The following SAMD3 variants were observed in gnomAD, a reference collection of about 807,000 sequenced individuals.
The protein encoded by SAMD3 is sterile alpha motif domain-containing protein 3.
A neutral mutation model predicts 58.5 loss-of-function variants in SAMD3; 63 were observed. That is an observed-to-expected ratio of 1.08 (90% confidence interval 0.88 to 1.33). The LOEUF is 1.33. SAMD3 is among the 40% of genes most tolerant of loss of function. The pLI, the probability that SAMD3 is intolerant of heterozygous loss-of-function variation, is 0.00. For missense variants in SAMD3, 604 were observed against 608.4 expected, an observed-to-expected ratio of 0.99 and a Z score of 0.08; for synonymous variants, 220 against 210.3, an observed-to-expected ratio of 1.05 and a Z score of -0.40.
chr6:130,162,517 T>A (rs183582591), intron 8 of SAMD3, among the ~76,000 whole-genome samples: 14 of 152,226 alleles, frequency 9.2e-5, no homozygotes, highest in Admixed American at 2.6e-4. Flanking sequence ...TTAAAAAAAT[T>A]TTTTTAAGAA....
intron 1 of SAMD3, among the ~76,000 whole-genome samples, chr6:130,331,368 A>C (rs1776926382): frequency 6.6e-6 from 1 of 152,228 alleles, no homozygotes; most frequent in African/African-American, 2.4e-5. Flanking sequence ...AAGAGAACTT[A>C]CTTTAAAAAA....
intron 2 of SAMD3, among the ~76,000 whole-genome samples, chr6:130,286,895 A>G (rs1054944470): frequency 6.6e-6 from 1 of 152,172 alleles, no homozygotes; most frequent in African/African-American, 2.4e-5. Flanking sequence ...TTTTTAGTAC[A>G]GACGGGGTTT....
At chr6:130,361,746 G>T (rs948996636) in intron 1 of SAMD3, among the ~76,000 whole-genome samples, 1 of 152,210 alleles carries the variant, frequency 6.6e-6, no homozygotes, top group African/African-American at 2.4e-5. Context: ...AGAAACTGCA[G>T]AATTAAATTC....
At chr6:130,346,304 G>T (rs1777448712) in intron 1 of SAMD3, among the ~76,000 whole-genome samples, 1 of 152,336 alleles carries the variant, frequency 6.6e-6, no homozygotes, top group African/African-American at 2.4e-5. Flanking sequence ...CAAGGGGTCA[G>T]GGAATTCCCT....
intron 2 of SAMD3, among the ~76,000 whole-genome samples, chr6:130,308,370 A>ATTCTATTCTATTCTATTCTATTCT (rs1775991213): frequency 5.5e-4 from 52 of 95,172 alleles, no homozygotes; most frequent in African/African-American, 1.3e-3. Flanking sequence ...ATTCTATTCT[A>ATTCTATTCTATTCTATTCTATTCT]TTCTATTCTA....
intron 5 of SAMD3, among the ~76,000 whole-genome samples, chr6:130,185,910 C>T (rs1471116333): frequency 6.6e-6 from 1 of 152,088 alleles, no homozygotes; most frequent in African/African-American, 2.4e-5. Flanking sequence ...GGATTACAGG[C>T]ATGAGCCAAC....
At chr6:130,204,561 C>T (rs1236555365) in intron 5 of SAMD3, among the ~76,000 whole-genome samples, 6 of 149,750 alleles carry the variant, frequency 4.0e-5, no homozygotes, top group Non-Finnish European at 8.9e-5. Context: ...AGCGCCACTG[C>T]ACTCCAGCCT....
chr6:130,144,060 G>T (rs1788401403), downstream of SAMD3: 1 of 156,288 alleles, frequency 6.4e-6, no homozygotes, highest in Non-Finnish European at 1.4e-5. Context: ...CCCTGAGGGA[G>T]AGAAGAGTAT....
At chr6:130,361,343 G>T (rs896127086) in intron 1 of SAMD3, among the ~76,000 whole-genome samples, 1 of 152,168 alleles carries the variant, frequency 6.6e-6, no homozygotes, top group Non-Finnish European at 1.5e-5. Context: ...TGGTCCCTCC[G>T]TTTGGGGGTC....
chr6:130,335,227 T>G (rs1394115116), intron 1 of SAMD3, among the ~76,000 whole-genome samples: 1 of 152,142 alleles, frequency 6.6e-6, no homozygotes, highest in Admixed American at 6.6e-5. Flanking sequence ...TATGAGTAGG[T>G]TCATTCCAAA....
intron 1 of SAMD3, among the ~76,000 whole-genome samples, chr6:130,339,100 G>A (rs565337359): frequency 6.6e-6 from 1 of 152,182 alleles, no homozygotes; most frequent in Non-Finnish European, 1.5e-5. Flanking sequence ...AGGCTGGAGT[G>A]TAGCAGCACA....
chr6:130,200,385 CAA>C (rs397781904), intron 5 of SAMD3, among the ~76,000 whole-genome samples: 2 of 140,708 alleles, frequency 1.4e-5, no homozygotes, highest in Non-Finnish European at 3.1e-5. Flanking sequence ...ACTAAAAATA[CAA>C]AAAAAAAAAA....
chr6:130,278,336 T>C (rs2114946327), intron 2 of SAMD3, among the ~76,000 whole-genome samples: 1 of 152,294 alleles, frequency 6.6e-6, no homozygotes, highest in Middle Eastern at 3.4e-3. Context: ...GAGTCTGATT[T>C]GAGTAATAAT....
At chr6:130,150,563 T>C (rs1019273317) in intron 9 of SAMD3, among the ~76,000 whole-genome samples, 1 of 152,182 alleles carries the variant, frequency 6.6e-6, no homozygotes, top group Non-Finnish European at 1.5e-5. Context: ...ATCATTTCTT[T>C]CGGCAATTCT....
intron 2 of SAMD3, among the ~76,000 whole-genome samples, chr6:130,301,334 G>A (rs968621068): frequency 1.1e-4 from 16 of 152,006 alleles, no homozygotes; most frequent in Admixed American, 9.8e-4. Context: ...ATTTACAATA[G>A]CCAAACAAAA....
At chr6:130,160,167 G>A (rs934386640) in intron 8 of SAMD3, 1 of 152,108 alleles carries the variant, frequency 6.6e-6, no homozygotes, top group Non-Finnish European at 1.5e-5. Flanking sequence ...TATGCTTCAA[G>A]ACACACATAC....
chr6:130,190,734 A>C (rs182850460), intron 5 of SAMD3, among the ~76,000 whole-genome samples: 1 of 152,170 alleles, frequency 6.6e-6, no homozygotes, highest in Admixed American at 6.5e-5. Flanking sequence ...TTATCCCCCT[A>C]TATAGCCATA....
At chr6:130,281,506 T>C (rs1583046102) in intron 2 of SAMD3, among the ~76,000 whole-genome samples, 1 of 152,102 alleles carries the variant, frequency 6.6e-6, no homozygotes, top group East Asian at 1.9e-4. Flanking sequence ...CCTGCATCTG[T>C]TCTTCATTTT....
rs1162464129 is a variant in SAMD3 at position 130,347,540 on chromosome 6, A to G, written c.-304+17580T>C. On this transcript the variant is annotated intron_variant, in intron 1 of 13. Transcript: ENST00000368134. ...GAAGACTAGAGAAAAAAGAATAAGA[A>G]GAAATGAACAAAGCCTCCAAGAAAT... is the stretch of plus-strand genomic sequence containing the variant. Among the ~76,000 whole-genome samples the G allele has an allele frequency of 5.9e-5, 9 of 152,314 alleles. No homozygotes were observed. The East Asian group carries it at 1.7e-3, about 29-fold the overall frequency.
Sources: allele counts gnomAD v4.1 joint callset (sites outside exome capture counted in the v4.1 genomes callset), GRCh38; gene constraint gnomAD v4.1.1; transcripts MANE v1.5; gene names NCBI Gene and HGNC (gene_info 2026-07-23, HGNC 2026-07-21).